RGS6: variants seen among roughly 807,000 people sequenced by gnomAD.
RGS6 encodes the protein regulator of G protein signaling 6.
In RGS6, 30 loss-of-function variants were observed where a neutral mutation model predicts 78.5. The ratio of observed to expected loss-of-function variants is 0.38; its 90% confidence interval spans 0.29 to 0.52. The LOEUF is 0.52. Ranked by LOEUF, RGS6 falls within the 20% of genes least tolerant of loss-of-function variation. RGS6 has a pLI of 0.85. For synonymous variants in RGS6, 206 were observed against 206.0 expected (o/e 1.00, Z 0.00); for missense variants, 495 against 609.7 (o/e 0.81, Z 1.98).
chr14:72,443,472 G>A (rs769281766), intron 3 of RGS6, among the ~76,000 whole-genome samples: 2 of 152,230 alleles, frequency 1.3e-5, no homozygotes, highest in Admixed American at 6.5e-5. Context: ...CAGTGTTGCT[G>A]TGCTAACCCT....
the RGS6 span, among the ~76,000 whole-genome samples, chr14:71,893,056 C>A: frequency 1.3e-5 from 2 of 152,196 alleles, no homozygotes; most frequent in African/African-American, 4.8e-5. Context: ...ATTGTAAAAT[C>A]TTTATTAGTT....
chr14:71,892,149 A>G, the RGS6 span, among the ~76,000 whole-genome samples: 12 of 152,156 alleles, frequency 7.9e-5, no homozygotes, highest in Non-Finnish European at 1.8e-4. Flanking sequence ...CTTTCAAACA[A>G]TACAATGAAA....
chr14:72,522,256 AG>A (rs2097054726), intron 15 of RGS6, among the ~76,000 whole-genome samples: 1 of 152,174 alleles, frequency 6.6e-6, no homozygotes, highest in Non-Finnish European at 1.5e-5. Flanking sequence ...TCTTCTTATA[AG>A]AACACTAATC....
At chr14:72,377,064 A>G (rs1263303963) in intron 3 of RGS6, among the ~76,000 whole-genome samples, 4 of 152,210 alleles carry the variant, frequency 2.6e-5, no homozygotes, top group Non-Finnish European at 4.4e-5. Flanking sequence ...GATCAATAAT[A>G]ACCTTGAATG....
intron 2 of RGS6, among the ~76,000 whole-genome samples, chr14:72,079,640 A>G (rs2094734371): frequency 6.6e-6 from 1 of 152,060 alleles, no homozygotes; most frequent in African/African-American, 2.4e-5. Context: ...CTTTTAACTC[A>G]TTCTTCATAC....
intron 2 of RGS6, among the ~76,000 whole-genome samples, chr14:71,985,639 T>C (rs1190440951): frequency 6.6e-6 from 1 of 152,150 alleles, no homozygotes; most frequent in African/African-American, 2.4e-5. Flanking sequence ...TTCTATGTCA[T>C]TGAACTACAG....
At chr14:71,935,147 C>G (rs2088848203) in intron 1 of RGS6, among the ~76,000 whole-genome samples, 2 of 152,124 alleles carry the variant, frequency 1.3e-5, no homozygotes, top group African/African-American at 4.8e-5. Flanking sequence ...CACACACTAT[C>G]CTGCTGTAAG....
rs146495741 is a variant in RGS6, at chr14:72,366,704, G to T, written c.184+14510G>T. 4.6e-5 allele frequency among the ~76,000 whole-genome samples: 7 copies of T among 152,296 alleles called. No individual in the cohort carries two copies. The East Asian group carries it at 1.4e-3, about 29-fold the overall frequency. ...TCCTCAGACCCTCTTTGAATAGTAA[G>T]TAGGTAACAAAGATGATCACTGGAG... On this transcript the variant is annotated intron_variant, in intron 3 of 17. Coordinates refer to ENST00000553525, the MANE Select transcript of RGS6 (RefSeq NM_001204424.2).
chr14:72,187,134 A>T (rs944635817), intron 2 of RGS6, among the ~76,000 whole-genome samples: 2 of 152,252 alleles, frequency 1.3e-5, no homozygotes, highest in African/African-American at 4.8e-5. Context: ...TTATTCAAAT[A>T]TCCCTCTGAT....
At chr14:72,117,122 A>C (rs1023824234) in intron 2 of RGS6, among the ~76,000 whole-genome samples, 31 of 152,180 alleles carry the variant, frequency 2.0e-4, no homozygotes, top group African/African-American at 7.2e-4. Context: ...AAGCAAAATG[A>C]AGAGCCAGTG....
chr14:72,368,118 T>C (rs552914546), intron 3 of RGS6, among the ~76,000 whole-genome samples: 49 of 152,268 alleles, frequency 3.2e-4, no homozygotes, highest in African/African-American at 1.1e-3. Flanking sequence ...TCTCACAGTT[T>C]TAGGGTCTGG....
chr14:72,562,700 C>T lies in RGS6; in HGVS notation c.*233C>T. ...GGTGGAGGCTCCTGTTTACAGCCCT[C>T]TCTTCTTTGTACAGTTGTATTCCAA... On this transcript the variant is annotated 3_prime_UTR_variant, in exon 18 of 18. Transcript: ENST00000553525. The T allele has an allele frequency of 6.5e-7, 1 of 1,536,200 alleles. No homozygotes were observed. Among genetic ancestry groups the T allele is most frequent in the Non-Finnish European group, 8.7e-7 (1 of 1,146,920 alleles).
At chr14:72,312,301 A>T in intron 2 of RGS6, among the ~76,000 whole-genome samples, 1 of 147,412 alleles carries the variant, frequency 6.8e-6, no homozygotes, top group East Asian at 2.0e-4. Flanking sequence ...AGATGAATGT[A>T]CCCATCAAAA....
chr14:72,174,974 G>A (rs777394112), intron 2 of RGS6, among the ~76,000 whole-genome samples: 12 of 152,154 alleles, frequency 7.9e-5, no homozygotes, highest in African/African-American at 1.2e-4. Context: ...TTGCCTGAGC[G>A]TCCAGGTCCC....
At position 72,504,921 on chromosome 14, in the gene RGS6, A is replaced by ATTT. The variant is rs34953560; in HGVS notation, c.966-5207_966-5205dup. ...AGGTGCCCACCACCACGCCCAGCTAATTTTTTTTTTTTTTTTTTTTTTTTT... is the reference window on the plus strand; with the variant it reads ...AGGTGCCCACCACCACGCCCAGCTAATTTTTTTTTTTTTTTTTTTTTTTTTTTT... On this transcript the variant is annotated intron_variant, in intron 13 of 17. Coordinates refer to ENST00000553525, the MANE Select transcript of RGS6 (RefSeq NM_001204424.2). Among the ~76,000 whole-genome samples, 200 of 76,072 alleles carry ATTT rather than the reference A, an allele frequency of 2.6e-3. 9 individuals carry two copies. The highest frequency in any genetic ancestry group is 8.0e-3 in the African/African-American group (155 of 19,488). 49.9% of individuals were successfully genotyped at this position (76,072 alleles called of 152,430 possible).
At chr14:72,605,264 A>G in the RGS6 span, among the ~76,000 whole-genome samples, 2 of 152,278 alleles carry the variant, frequency 1.3e-5, no homozygotes, top group South Asian at 2.1e-4. Flanking sequence ...AAGCAGGCCC[A>G]GCCCAGATGC....
At chr14:72,571,392 T>C (rs2097720070), downstream of RGS6, among the ~76,000 whole-genome samples, 1 of 152,088 alleles carries the variant, frequency 6.6e-6, no homozygotes, top group East Asian at 1.9e-4. Context: ...AAGGTGGGCA[T>C]AAAAAGTAGA....
At chr14:72,266,169 A>G (rs529517307) in intron 2 of RGS6, among the ~76,000 whole-genome samples, 2 of 152,234 alleles carry the variant, frequency 1.3e-5, no homozygotes, top group South Asian at 4.1e-4. Context: ...CACTGGGCAG[A>G]TGGGTGAACT....
chr14:71,890,421 C>T, the RGS6 span, among the ~76,000 whole-genome samples: 1 of 146,640 alleles, frequency 6.8e-6, no homozygotes, highest in Non-Finnish European at 1.5e-5. Context: ...GAGCTAGCAT[C>T]TGCCGGTACT....
Sources: gnomAD v4.1 joint callset for allele counts (sites outside exome capture counted in the v4.1 genomes callset) on GRCh38, gnomAD v4.1.1 for gene constraint, MANE v1.5 for transcripts, NCBI Gene and HGNC (gene_info 2026-07-23, HGNC 2026-07-21) for gene names.